Variants in SSBP2 observed in about 807,000 individuals in gnomAD.
SSBP2 encodes single-stranded DNA-binding protein 2.
Under a neutral mutation model 61.8 loss-of-function variants are expected in SSBP2, and 17 were observed. The observed-to-expected ratio is 0.28, with a 90% CI of 0.19 to 0.41. SSBP2 has a LOEUF of 0.41. SSBP2 is among the 10% of genes least tolerant of loss of function. The pLI, the probability that SSBP2 is intolerant of heterozygous loss-of-function variation, is 1.00. For synonymous variants in SSBP2, 139 were observed against 141.3 expected (o/e 0.98, Z 0.12); for missense variants, 310 against 458.7 (o/e 0.68, Z 2.96).
chr5:81,675,025 T>G (rs1751848470), intron 1 of SSBP2, among the ~76,000 whole-genome samples: 1 of 152,188 alleles, frequency 6.6e-6, no homozygotes, highest in African/African-American at 2.4e-5. Flanking sequence ...CCCTTTTGAT[T>G]ATCCACAGTA....
Position 81,418,780 on chromosome 5 carries a change from A to G in SSBP2, c.*1724T>C, listed in dbSNP as rs1761432924. 6.6e-6 allele frequency: 1 copy of G among 152,196 alleles called. No individual in the cohort carries two copies. The highest frequency in any genetic ancestry group is 2.4e-5 in the African/African-American group (1 of 41,450). The allele number at this position is 152,196 out of a possible 1,614,324, so 9.4% of individuals were successfully genotyped here. A position where few individuals can be genotyped will look rare whatever the true frequency, so the allele number is the denominator to read the frequency against. On this transcript the variant is annotated 3_prime_UTR_variant, in exon 17 of 17. Coordinates refer to ENST00000320672, the MANE Select transcript of SSBP2 (RefSeq NM_012446.5). The stretch of plus-strand genomic sequence containing the variant: ...AGATATGCTAAAAATATGGTATTAT[A>G]ATCTTATAGGACCACTGCTGTATAT...
chr5:81,618,020 G>A (rs1181109014), intron 3 of SSBP2, among the ~76,000 whole-genome samples: 7 of 127,062 alleles, frequency 5.5e-5, no homozygotes, highest in African/African-American at 8.5e-5. Flanking sequence ...AAAGACCATC[G>A]AGACTAGGAA....
At chr5:81,422,121 A>G (rs1422491190) in intron 16 of SSBP2, among the ~76,000 whole-genome samples, 2 of 152,184 alleles carry the variant, frequency 1.3e-5, no homozygotes, top group Non-Finnish European at 2.9e-5. Context: ...TGCCTCCTAG[A>G]AAAAGGCAGA....
rs1761269345 is a variant in SSBP2 at position 81,415,478 on chromosome 5, A to G, written c.*5026T>C. On this transcript the variant is annotated 3_prime_UTR_variant, in exon 17 of 17. Transcript: ENST00000320672. ...ATGGAAATCATTGTTACAATGTATT[A>G]TTTGTAATTATTGTTGTATTATTGG... is the stretch of plus-strand genomic sequence containing the variant. The G allele has an allele frequency of 6.6e-6, 1 of 152,184 alleles. No homozygotes were observed. The highest frequency in any genetic ancestry group is 6.5e-5 in the Admixed American group (1 of 15,282). 9.4% of individuals were successfully genotyped at this position (152,184 alleles called of 1,614,324 possible).
chr5:81,638,417 GGAGGCT>G (rs1748450957), intron 2 of SSBP2, among the ~76,000 whole-genome samples: 1 of 151,944 alleles, frequency 6.6e-6, no homozygotes, highest in Non-Finnish European at 1.5e-5. Flanking sequence ...CAGCTACTCT[GGAGGCT>G]GAGGCAGGAG....
chr5:81,503,480 A>G (rs1767954986), intron 5 of SSBP2, among the ~76,000 whole-genome samples: 1 of 152,044 alleles, frequency 6.6e-6, no homozygotes, highest in African/African-American at 2.4e-5. Flanking sequence ...CAAAACAAAA[A>G]ATGGATGCTG....
chr5:81,689,606 C>A (rs933525498), intron 1 of SSBP2, among the ~76,000 whole-genome samples: 2 of 151,290 alleles, frequency 1.3e-5, no homozygotes, highest in Non-Finnish European at 2.9e-5. Flanking sequence ...ATATATCCAG[C>A]AAAAATATCC....
intron 6 of SSBP2, among the ~76,000 whole-genome samples, chr5:81,479,974 C>A (rs1037070806): frequency 7.9e-5 from 12 of 152,080 alleles, no homozygotes; most frequent in African/African-American, 2.7e-4. Context: ...CTTCACCAGC[C>A]CCAGGTATTC....
At chr5:81,751,475 G>A (rs1350753700), upstream of SSBP2, among the ~76,000 whole-genome samples, 2 of 152,034 alleles carry the variant, frequency 1.3e-5, no homozygotes, top group Non-Finnish European at 2.9e-5. Flanking sequence ...CCTCACTGGA[G>A]AGAAGGCGCC....
intron 1 of SSBP2, among the ~76,000 whole-genome samples, chr5:81,675,378 C>T (rs1204221048): frequency 6.6e-6 from 1 of 152,092 alleles, no homozygotes; most frequent in Non-Finnish European, 1.5e-5. Context: ...AGGGTGTATA[C>T]TCTTCTACAT....
At chr5:81,435,406 T>C (rs1010010406) in intron 15 of SSBP2, among the ~76,000 whole-genome samples, 1 of 152,176 alleles carries the variant, frequency 6.6e-6, no homozygotes, top group African/African-American at 2.4e-5. Flanking sequence ...AAGACTTTTC[T>C]ATGTCCCCAT....
At chr5:81,506,005 C>T (rs534084796) in intron 5 of SSBP2, among the ~76,000 whole-genome samples, 1 of 152,198 alleles carries the variant, frequency 6.6e-6, no homozygotes, top group Admixed American at 6.5e-5. Context: ...TCTTTAGTTG[C>T]CTGAATTGCA....
intron 2 of SSBP2, among the ~76,000 whole-genome samples, chr5:81,640,087 C>T (rs1370851865): frequency 2.6e-5 from 4 of 152,130 alleles, no homozygotes; most frequent in Admixed American, 6.5e-5. Flanking sequence ...CAGTGGCTCA[C>T]GCCTGTAATC....
Position 81,416,080 on chromosome 5 carries a change from T to G in SSBP2, c.*4424A>C, listed in dbSNP as rs181702074. The G allele has an allele frequency of 5.6e-3, 830 of 148,986 alleles. 5 individuals are homozygous for G. Among genetic ancestry groups the G allele is most frequent in the Non-Finnish European group, 9.2e-3 (621 of 67,300 alleles). 9.2% of individuals were successfully genotyped at this position (148,986 alleles called of 1,614,324 possible). On this transcript the variant is annotated 3_prime_UTR_variant, in exon 17 of 17. Transcript: ENST00000320672. ...TCTACTAAAAATACAAAAATTAGCC[T>G]GTGACGCATGCCTGTAATCCAGCTA...
chr5:81,493,251 CAGATAGAT>C (rs66763000), intron 5 of SSBP2, among the ~76,000 whole-genome samples: 5,753 of 145,570 alleles, frequency 0.04, 123 homozygotes, highest in Non-Finnish European at 0.046. Flanking sequence ...ATGAACAAAA[CAGATAGAT>C]AGATAGATAG....
In SSBP2 at chr5:81,524,600, C is replaced by T. The variant is rs1769767893; in HGVS notation, c.283-10883G>A. On this transcript the variant is annotated intron_variant, in intron 4 of 16. Transcript: ENST00000320672. ...CTACGGATCCTAAAACGTTACTGTA[C>T]TTGGCCTATTGCAGTATGTACTTGC... Among the ~76,000 whole-genome samples, 3 of 152,004 alleles carry T rather than the reference C, an allele frequency of 2.0e-5. No individual in the cohort carries two copies. In the South Asian group the frequency reaches 6.2e-4, roughly 32 times the overall value.
At chr5:81,496,129 G>C (rs903369276) in intron 5 of SSBP2, among the ~76,000 whole-genome samples, 1 of 152,026 alleles carries the variant, frequency 6.6e-6, no homozygotes, top group African/African-American at 2.4e-5. Context: ...CTTTTTTGAG[G>C]ATAAAATTAT....
At chr5:81,569,884 T>C (rs571401038) in intron 4 of SSBP2, among the ~76,000 whole-genome samples, 33 of 152,290 alleles carry the variant, frequency 2.2e-4, no homozygotes, top group Middle Eastern at 6.8e-3. Context: ...ACGGTAATAA[T>C]CATGGTAGTG....
At chr5:81,476,243 C>A (rs950689440) in intron 6 of SSBP2, among the ~76,000 whole-genome samples, 2 of 152,106 alleles carry the variant, frequency 1.3e-5, no homozygotes, top group Non-Finnish European at 2.9e-5. Flanking sequence ...GTCAGGAAAT[C>A]AACATTGACA....
Sources: gnomAD v4.1 joint callset for allele counts (sites outside exome capture counted in the v4.1 genomes callset) on GRCh38, gnomAD v4.1.1 for gene constraint, MANE v1.5 for transcripts, NCBI Gene and HGNC (gene_info 2026-07-23, HGNC 2026-07-21) for gene names.